SNX29: variants seen among roughly 807,000 people sequenced by gnomAD.
The protein encoded by SNX29 is sorting nexin 29.
Under a neutral mutation model 102.1 loss-of-function variants are expected in SNX29, and 78 were observed. The ratio of observed to expected loss-of-function variants is 0.76; its 90% CI spans 0.64 to 0.92. The LOEUF (loss-of-function observed/expected upper bound fraction) is 0.92. SNX29 is among the 40% of genes least tolerant of loss of function. SNX29 has a pLI of 0.00. For synonymous variants in SNX29, 580 were observed against 414.5 expected (o/e 1.40, Z -4.85); for missense variants, 1,280 against 1,061.7 (o/e 1.21, Z -2.86).
In SNX29 at chr16:12,570,546, C is replaced by G. The variant is rs532316906; in HGVS notation, c.*1917C>G. The G allele has an allele frequency of 1.8e-4, 42 of 231,968 alleles. No individual in the cohort carries two copies. The highest frequency in any genetic ancestry group is 1.6e-3 in the East Asian group (26 of 16,414). The allele number at this position is 231,968 out of a possible 1,614,324, so 14.4% of individuals were successfully genotyped here. On this transcript the variant is annotated 3_prime_UTR_variant, in exon 21 of 21. Transcript: ENST00000566228. Reference sequence around the variant, plus strand: ...GTCATTTTGAAGTAGGTGTTTGATGCCAGCTCAGAGACTGTCTCAGGAGTG... The same window carrying G: ...GTCATTTTGAAGTAGGTGTTTGATGGCAGCTCAGAGACTGTCTCAGGAGTG...
At chr16:12,425,233 G>C (rs1010384926) in intron 18 of SNX29, among the ~76,000 whole-genome samples, 3 of 152,210 alleles carry the variant, frequency 2.0e-5, no homozygotes, top group African/African-American at 7.2e-5. Context: ...GGGTGAAAGT[G>C]AGGGGTCAGG....
chr16:12,353,568 C>T (rs138141309), intron 15 of SNX29, among the ~76,000 whole-genome samples: 3 of 152,318 alleles, frequency 2.0e-5, no homozygotes, highest in African/African-American at 7.2e-5. Context: ...CACCAAGGCC[C>T]GATGCCTGAA....
intron 11 of SNX29, among the ~76,000 whole-genome samples, chr16:12,126,012 C>A (rs1462133158): frequency 6.6e-6 from 1 of 152,150 alleles, no homozygotes; most frequent in African/African-American, 2.4e-5. Flanking sequence ...TCTTGTTTCA[C>A]ACTTCAGAAA....
At chr16:12,009,708 C>T (rs1334478158) in intron 3 of SNX29, among the ~76,000 whole-genome samples, 2 of 152,128 alleles carry the variant, frequency 1.3e-5, no homozygotes, top group Non-Finnish European at 2.9e-5. Flanking sequence ...CTGTTTTTCT[C>T]TAGGAACAAA....
chr16:12,047,052 TG>T (rs1020563825), intron 6 of SNX29, among the ~76,000 whole-genome samples: 14 of 152,254 alleles, frequency 9.2e-5, no homozygotes, highest in African/African-American at 3.4e-4. Flanking sequence ...CTTTGAATCC[TG>T]GCTTTACCCC....
At chr16:12,012,796 G>A (rs556927478) in intron 3 of SNX29, among the ~76,000 whole-genome samples, 1 of 152,128 alleles carries the variant, frequency 6.6e-6, no homozygotes, top group African/African-American at 2.4e-5. Flanking sequence ...GTTGGCTTGA[G>A]GTGGAATTCC....
chr16:12,071,421 T>A (rs1275355145), intron 10 of SNX29, among the ~76,000 whole-genome samples: 3 of 151,888 alleles, frequency 2.0e-5, no homozygotes, highest in East Asian at 3.9e-4. Context: ...ATTTATTAAA[T>A]AGGGAATCCT....
At chr16:12,487,840 A>C (rs1470745782) in intron 19 of SNX29, among the ~76,000 whole-genome samples, 1 of 152,220 alleles carries the variant, frequency 6.6e-6, no homozygotes, top group Non-Finnish European at 1.5e-5. Context: ...ACACTCTGCC[A>C]ACCACCATGT....
chr16:11,981,798 G>C (rs919079117), intron 1 of SNX29, among the ~76,000 whole-genome samples: 7 of 152,136 alleles, frequency 4.6e-5, no homozygotes, highest in African/African-American at 7.2e-5. Context: ...TTGGGGAGTA[G>C]GTAAACCTAG....
At chr16:12,327,500 CT>C (rs1418911784) in intron 15 of SNX29, among the ~76,000 whole-genome samples, 1 of 152,136 alleles carries the variant, frequency 6.6e-6, no homozygotes, top group Admixed American at 6.5e-5. Flanking sequence ...TCTTTCTTCT[CT>C]GCATGACTCT....
At chr16:12,561,584 G>C (rs2078726254) in intron 20 of SNX29, among the ~76,000 whole-genome samples, 1 of 152,056 alleles carries the variant, frequency 6.6e-6, no homozygotes, top group African/African-American at 2.4e-5. Flanking sequence ...ATTAATGTCA[G>C]CCGCATGCTG....
At chr16:12,017,908 G>C (rs1314848527) in intron 3 of SNX29, among the ~76,000 whole-genome samples, 1 of 151,864 alleles carries the variant, frequency 6.6e-6, no homozygotes, top group Non-Finnish European at 1.5e-5. Context: ...GCTTTCTTTT[G>C]TTTTGTTCTT....
intron 14 of SNX29, among the ~76,000 whole-genome samples, chr16:12,239,024 G>A (rs544598815): frequency 1.3e-5 from 2 of 152,324 alleles, no homozygotes; most frequent in South Asian, 4.1e-4. Flanking sequence ...AGCTTTCTCA[G>A]GAGTCTCATC....
At chr16:12,171,359 G>T (rs2076145967) in intron 13 of SNX29, among the ~76,000 whole-genome samples, 1 of 152,176 alleles carries the variant, frequency 6.6e-6, no homozygotes, top group Non-Finnish European at 1.5e-5. Flanking sequence ...AACACGCACA[G>T]TTAGTCCCAT....
intron 14 of SNX29, among the ~76,000 whole-genome samples, chr16:12,219,860 G>A (rs1243063695): frequency 6.6e-6 from 1 of 152,152 alleles, no homozygotes; most frequent in African/African-American, 2.4e-5. Flanking sequence ...GTCCTATCTT[G>A]GGTCTGGCTC....
intron 20 of SNX29, among the ~76,000 whole-genome samples, chr16:12,562,774 C>T (rs763944161): frequency 3.3e-5 from 5 of 152,178 alleles, no homozygotes; most frequent in Non-Finnish European, 7.3e-5. Context: ...GGCTTGGAGT[C>T]CTTTAGCCAT....
At position 11,979,275 on chromosome 16, in the gene SNX29, C is replaced by CAAAAAAAAAAAA. The variant is rs71139569; in HGVS notation, c.7+2475_7+2486dup. The stretch of plus-strand genomic sequence containing the variant: ...GGGCAACAGAGTGAGACTCAGTCTC[C>CAAAAAAAAAAAA]AAAAAAAAAAAAAAAAAAAAAAAAT... On this transcript the variant is annotated intron_variant, in intron 1 of 20. Transcript: ENST00000566228. Among the ~76,000 whole-genome samples, 36 of 61,994 alleles carry CAAAAAAAAAAAA rather than the reference C, an allele frequency of 5.8e-4. 2 individuals carry two copies. The highest frequency in any genetic ancestry group is 2.5e-3 in the African/African-American group (34 of 13,382). 40.7% of individuals were successfully genotyped at this position (61,994 alleles called of 152,430 possible). A position where few individuals can be genotyped will look rare whatever the true frequency, so the allele number is the denominator to read the frequency against.
At chr16:11,985,491 T>C (rs1366699322) in intron 1 of SNX29, among the ~76,000 whole-genome samples, 1 of 152,228 alleles carries the variant, frequency 6.6e-6, no homozygotes, top group East Asian at 1.9e-4. Context: ...GTTAAAGGAC[T>C]ATCAGGATTA....
At chr16:12,327,202 A>G (rs1161322357) in intron 15 of SNX29, among the ~76,000 whole-genome samples, 1 of 152,052 alleles carries the variant, frequency 6.6e-6, no homozygotes, top group African/African-American at 2.4e-5. Context: ...CTTGGTCAGT[A>G]TCAGTGAAAT....
Sources: gnomAD v4.1 joint callset for allele counts (sites outside exome capture counted in the v4.1 genomes callset) on GRCh38, gnomAD v4.1.1 for gene constraint, MANE v1.5 for transcripts, NCBI Gene and HGNC (gene_info 2026-07-23, HGNC 2026-07-21) for gene names.